DLG2: variants seen among roughly 807,000 people sequenced by gnomAD.
The protein encoded by DLG2 is disks large homolog 2.
A neutral mutation model predicts 132.5 loss-of-function variants in DLG2; 45 were observed. That is an observed-to-expected ratio of 0.34 (90% CI 0.27 to 0.44). DLG2 has a LOEUF of 0.44. DLG2 is among the 20% of genes least tolerant of loss of function. DLG2 has a pLI of 1.00. For missense variants in DLG2, 1,045 were observed against 1,196.9 expected, an observed-to-expected ratio of 0.87 and a Z score of 1.87; for synonymous variants, 424 against 419.6, an observed-to-expected ratio of 1.01 and a Z score of -0.13.
At chr11:84,776,791 T>C (rs1257457241) in intron 6 of DLG2, among the ~76,000 whole-genome samples, 1 of 152,206 alleles carries the variant, frequency 6.6e-6, no homozygotes, top group African/African-American at 2.4e-5. Flanking sequence ...CCACACTTTA[T>C]CCATTAATTA....
In DLG2 at chr11:84,534,580, G is replaced by T. The variant is rs763489526; in HGVS notation, c.509C>A (p.Ser170Tyr). The change falls in exon 7 of 28, where the codon TCT (serine) becomes TAT (tyrosine). Residue 170 changes from serine to tyrosine, a missense_variant. Ser to Tyr is a moderately radical substitution (Grantham distance 144). Transcript: ENST00000376104. Reference protein sequence around the residue: ...VHGYVLQSHISPLKASPAPII... With the variant: ...VHGYVLQSHIYPLKASPAPII... Reference sequence around the variant, plus strand: ...AGCAATATAACTGACCTTCAGAGGAGAAATATGAGACTGCAAGACATATCC... The same window carrying T: ...AGCAATATAACTGACCTTCAGAGGATAAATATGAGACTGCAAGACATATCC... The T allele has an allele frequency of 8.7e-6, 14 of 1,613,722 alleles. No homozygotes were observed. Among genetic ancestry groups the T allele is most frequent in the South Asian group, 5.5e-5 (5 of 91,060 alleles).
intron 9 of DLG2, among the ~76,000 whole-genome samples, chr11:84,160,191 A>C (rs1196379779): frequency 6.6e-6 from 1 of 152,090 alleles, no homozygotes; most frequent in East Asian, 1.9e-4. Flanking sequence ...CCATCTAGGG[A>C]ATGAAGAAAA....
chr11:85,467,611 T>C (rs915208840), intron 3 of DLG2, among the ~76,000 whole-genome samples: 2 of 152,218 alleles, frequency 1.3e-5, no homozygotes, highest in African/African-American at 2.4e-5. Context: ...CTGGATTACA[T>C]TTATTGATTT....
intron 9 of DLG2, among the ~76,000 whole-genome samples, chr11:84,148,823 A>G (rs952805943): frequency 6.6e-6 from 1 of 152,184 alleles, no homozygotes; most frequent in Non-Finnish European, 1.5e-5. Flanking sequence ...GAAGTAATTT[A>G]CATTCCCATC....
chr11:85,533,458 C>CATATATATATATATAT (rs34379979), intron 3 of DLG2, among the ~76,000 whole-genome samples: 1 of 142,144 alleles, frequency 7.0e-6, no homozygotes, highest in African/African-American at 2.5e-5. Flanking sequence ...ACATAAAATA[C>CATATATATATATATAT]ATATATATAT....
chr11:84,135,965 A>G (rs1384133932), intron 9 of DLG2, among the ~76,000 whole-genome samples: 2 of 152,136 alleles, frequency 1.3e-5, no homozygotes, highest in Non-Finnish European at 2.9e-5. Context: ...CTGGGAAAAT[A>G]CAGGTGGAAT....
At chr11:84,988,955 GA>G (rs2056801221) in intron 6 of DLG2, among the ~76,000 whole-genome samples, 1 of 151,864 alleles carries the variant, frequency 6.6e-6, no homozygotes, top group East Asian at 1.9e-4. Flanking sequence ...TTCTACATAG[GA>G]AAATCCTAGT....
chr11:84,104,245 T>C (rs1254103282), intron 9 of DLG2, among the ~76,000 whole-genome samples: 2 of 151,900 alleles, frequency 1.3e-5, no homozygotes, highest in African/African-American at 2.4e-5. Context: ...TACACAGCCA[T>C]AAAAAAAGAA....
intron 6 of DLG2, among the ~76,000 whole-genome samples, chr11:84,991,440 A>G (rs2057092236): frequency 6.8e-6 from 1 of 146,764 alleles, no homozygotes; most frequent in Non-Finnish European, 1.5e-5. Flanking sequence ...CCCCAGAAGG[A>G]GGAGGTTGCA....
chr11:84,931,978 T>A (rs1190224161), intron 6 of DLG2, among the ~76,000 whole-genome samples: 1 of 152,216 alleles, frequency 6.6e-6, no homozygotes, highest in Non-Finnish European at 1.5e-5. Flanking sequence ...GCTTTTTTTC[T>A]TGTAAATTTG....
intron 6 of DLG2, among the ~76,000 whole-genome samples, chr11:84,603,205 T>C (rs2154534764): frequency 6.6e-6 from 1 of 152,116 alleles, no homozygotes; most frequent in South Asian, 2.1e-4. Flanking sequence ...AACTCGTTTA[T>C]GTAACTGTCT....
chr11:84,534,175 A>G (rs2099349983), intron 7 of DLG2, among the ~76,000 whole-genome samples: 1 of 152,210 alleles, frequency 6.6e-6, no homozygotes, highest in Non-Finnish European at 1.5e-5. Context: ...TTTAGACAGT[A>G]AAGCAATCAT....
intron 21 of DLG2, among the ~76,000 whole-genome samples, chr11:83,497,561 C>A (rs1017424120): frequency 2.0e-4 from 30 of 151,324 alleles, no homozygotes; most frequent in Non-Finnish European, 7.4e-5. Context: ...AAACAAAAAA[C>A]AAAACAAAAC....
At chr11:84,848,399 C>T (rs1195543381) in intron 6 of DLG2, among the ~76,000 whole-genome samples, 2 of 152,022 alleles carry the variant, frequency 1.3e-5, no homozygotes, top group African/African-American at 2.4e-5. Context: ...GAGGCTGAGG[C>T]AGGAGAATCA....
chr11:84,623,909 T>C (rs1334755409), intron 6 of DLG2, among the ~76,000 whole-genome samples: 3 of 152,230 alleles, frequency 2.0e-5, no homozygotes, highest in Non-Finnish European at 4.4e-5. Flanking sequence ...ATTATCCTAA[T>C]ATTCTTCTCT....
chr11:85,000,639 C>T (rs1295703801), intron 6 of DLG2, among the ~76,000 whole-genome samples: 1 of 152,108 alleles, frequency 6.6e-6, no homozygotes, highest in African/African-American at 2.4e-5. Flanking sequence ...ACTGAACTTA[C>T]ATCAAAGTGT....
intron 3 of DLG2, among the ~76,000 whole-genome samples, chr11:85,472,801 C>G (rs1189210123): frequency 6.6e-6 from 1 of 152,218 alleles, no homozygotes; most frequent in Non-Finnish European, 1.5e-5. Flanking sequence ...GGTGCCAGGC[C>G]AGCCCAGAAG....
chr11:84,652,530 T>C (rs1369095277), intron 6 of DLG2, among the ~76,000 whole-genome samples: 2 of 152,126 alleles, frequency 1.3e-5, no homozygotes, highest in African/African-American at 4.8e-5. Flanking sequence ...AATCAAACTG[T>C]TTATGGAATG....
In DLG2 at chr11:83,541,612, T is replaced by C. The variant is rs759120062; in HGVS notation, c.2117+70A>G. On this transcript the variant is annotated intron_variant, in intron 20 of 27. Coordinates refer to ENST00000376104, the MANE Select transcript of DLG2 (RefSeq NM_001142699.3). ...AATTTTGTGAACAGTTTCTCCCACC[T>C]TCTTCTTCCCTCATCTCCACTCGCT... 1.4e-5 allele frequency: 18 copies of C among 1,331,764 alleles called. 1 individual carries two copies. Among genetic ancestry groups the C allele is most frequent in the Non-Finnish European group, 1.8e-5 (18 of 1,004,334 alleles). 82.5% of individuals were successfully genotyped at this position (1,331,764 alleles called of 1,614,324 possible). A position where few individuals can be genotyped will look rare whatever the true frequency, so the allele number is the denominator to read the frequency against.
Sources: gnomAD v4.1 joint callset for allele counts (sites outside exome capture counted in the v4.1 genomes callset) on GRCh38, gnomAD v4.1.1 for gene constraint, MANE v1.5 for transcripts, NCBI Gene and HGNC (gene_info 2026-07-23, HGNC 2026-07-21) for gene names.